Variants in ZNF654 observed in about 807,000 individuals in gnomAD.
ZNF654 encodes zinc finger protein 654.
ZNF654 carries 19 observed loss-of-function variants against 95.3 expected under a neutral mutation model. That is an observed-to-expected ratio of 0.20 (90% CI 0.14 to 0.29). ZNF654 has a LOEUF of 0.29. ZNF654 is among the 10% of genes least tolerant of loss of function. The pLI is 1.00. For synonymous variants in ZNF654, 413 were observed against 457.9 expected, an observed-to-expected ratio of 0.90 and a Z score of 1.25; for missense variants, 1,046 against 1,341.0, an observed-to-expected ratio of 0.78 and a Z score of 3.44.
At chr3:88,085,468 CGTGGAT>C (rs780840062) in intron 1 of ZNF654, among the ~76,000 whole-genome samples, 3 of 152,082 alleles carry the variant, frequency 2.0e-5, no homozygotes, top group Non-Finnish European at 4.4e-5. Context: ...ACTTTTACCT[CGTGGAT>C]GTACAAAAAC....
chr3:88,111,029 A>G (rs545708099), intron 2 of ZNF654, among the ~76,000 whole-genome samples: 1 of 152,166 alleles, frequency 6.6e-6, no homozygotes, highest in South Asian at 2.1e-4. Flanking sequence ...AGCAGTTTGT[A>G]AAGTTGGTAA....
chr3:88,133,280 T>C (rs1049083243), intron 6 of ZNF654, among the ~76,000 whole-genome samples: 6 of 152,176 alleles, frequency 3.9e-5, no homozygotes, highest in African/African-American at 1.4e-4. Context: ...GGTGTGCCAC[T>C]CCAATCACTG....
chr3:88,059,643 T>A, intron 1 of ZNF654, 138 bp downstream of exon 1: 24 of 843,432 alleles, frequency 2.8e-5, no homozygotes, highest in Non-Finnish European at 2.9e-5. Flanking sequence ...TGAAGCTCCC[T>A]CCTCCACTTA....
In ZNF654 at chr3:88,071,553, G is replaced by A. The variant is rs1707511376; in HGVS notation, c.186+12048G>A. On this transcript the variant is annotated intron_variant, in intron 1 of 8. Transcript: ENST00000636215. The stretch of plus-strand genomic sequence containing the variant: ...CCCAGCTACTTGGCAGGAGAATGGC[G>A]TGAACCTGGGAGGCGGAGCTTGCAG... Among the ~76,000 whole-genome samples the A allele has an allele frequency of 3.3e-5, 5 of 152,328 alleles. No individual in the cohort carries two copies. The South Asian group carries it at 8.3e-4, about 25-fold the overall frequency.
chr3:88,137,691 T>A (rs560610340), intron 7 of ZNF654, among the ~76,000 whole-genome samples: 7 of 152,154 alleles, frequency 4.6e-5, no homozygotes, highest in Non-Finnish European at 4.4e-5. Flanking sequence ...TTAGAACTGA[T>A]TCTCAAAGAA....
At chr3:88,098,184 C>G (rs192568467) in intron 2 of ZNF654, among the ~76,000 whole-genome samples, 1 of 152,260 alleles carries the variant, frequency 6.6e-6, no homozygotes. Flanking sequence ...AAACTGCCAT[C>G]AGAGAATACT....
At chr3:88,118,097 T>TA (rs1559721821) in intron 3 of ZNF654, among the ~76,000 whole-genome samples, 1 of 152,120 alleles carries the variant, frequency 6.6e-6, no homozygotes, top group Non-Finnish European at 1.5e-5. Context: ...CTAAAAGTCT[T>TA]ACTACCAAAG....
intron 2 of ZNF654, among the ~76,000 whole-genome samples, chr3:88,091,677 T>C (rs1708637641): frequency 3.3e-5 from 5 of 152,166 alleles, no homozygotes; most frequent in Admixed American, 2.6e-4. Context: ...TGGGAGGTAA[T>C]TGAATCATGG....
intron 1 of ZNF654, among the ~76,000 whole-genome samples, chr3:88,085,469 G>A (rs376631250): frequency 3.9e-5 from 6 of 151,948 alleles, no homozygotes; most frequent in African/African-American, 1.5e-4. Context: ...CTTTTACCTC[G>A]TGGATGTACA....
intron 1 of ZNF654, among the ~76,000 whole-genome samples, chr3:88,074,373 G>C (rs1459435113): frequency 6.2e-5 from 8 of 128,414 alleles, no homozygotes; most frequent in Non-Finnish European, 1.1e-4. Flanking sequence ...ACTGAGTCTT[G>C]CTTTATCGCC....
rs375273615 is a variant in ZNF654, at chr3:88,107,194, T to C, written c.333-5921T>C. On this transcript the variant is annotated intron_variant, in intron 2 of 8. Transcript: ENST00000636215. ...ATTGAGGTATACACTTTATATACTT[T>C]ATCTTCCTCCAGTAAAATGGCATTG... 2.0e-4 allele frequency among the ~76,000 whole-genome samples: 30 copies of C among 152,340 alleles called. No homozygotes were observed. The East Asian group carries it at 5.0e-3, about 25-fold the overall frequency.
chr3:88,105,139 A>C (rs1475229285), intron 2 of ZNF654, among the ~76,000 whole-genome samples: 2 of 152,232 alleles, frequency 1.3e-5, no homozygotes, highest in Non-Finnish European at 2.9e-5. Context: ...ACTCCATCTC[A>C]GAAAACAAAC....
chr3:88,116,166 C>G (rs1299881968), intron 3 of ZNF654, among the ~76,000 whole-genome samples: 1 of 152,074 alleles, frequency 6.6e-6, no homozygotes, highest in Non-Finnish European at 1.5e-5. Context: ...AGAAGTGCAT[C>G]AGGCATGCAG....
chr3:88,088,068 G>C (rs1246849846), intron 2 of ZNF654, among the ~76,000 whole-genome samples: 2 of 151,992 alleles, frequency 1.3e-5, no homozygotes, highest in South Asian at 4.2e-4. Context: ...TTCAGATAAG[G>C]GACACTCAAC....
intron 1 of ZNF654, among the ~76,000 whole-genome samples, chr3:88,083,252 T>TTAAGTTAAA (rs1708173707): frequency 6.6e-6 from 1 of 152,244 alleles, no homozygotes. Flanking sequence ...TTAGATGATA[T>TTAAGTTAAA]ATTTTAGTGT....
At chr3:88,068,001 A>G (rs1707298373) in intron 1 of ZNF654, among the ~76,000 whole-genome samples, 1 of 151,978 alleles carries the variant, frequency 6.6e-6, no homozygotes, top group African/African-American at 2.4e-5. Flanking sequence ...ATATTATAAG[A>G]CCCCTGAAGG....
intron 1 of ZNF654, among the ~76,000 whole-genome samples, chr3:88,072,996 A>AT (rs1707602648): frequency 1.3e-5 from 2 of 152,344 alleles, no homozygotes; most frequent in East Asian, 3.9e-4. Context: ...TGTAGGCATG[A>AT]AGAAAGGAAA....
At chr3:88,089,512 T>C (rs1708525786) in intron 2 of ZNF654, among the ~76,000 whole-genome samples, 1 of 151,956 alleles carries the variant, frequency 6.6e-6, no homozygotes, top group South Asian at 2.1e-4. Flanking sequence ...AATGTTTTAT[T>C]AGATAACTAA....
intron 2 of ZNF654, among the ~76,000 whole-genome samples, chr3:88,099,139 T>A (rs1704244565): frequency 6.6e-6 from 1 of 152,176 alleles, no homozygotes; most frequent in South Asian, 2.1e-4. Context: ...CAGCAAAGTC[T>A]CAGGATACAA....
Sources: allele counts gnomAD v4.1 joint callset (sites outside exome capture counted in the v4.1 genomes callset), GRCh38; gene constraint gnomAD v4.1.1; transcripts MANE v1.5; gene names NCBI Gene and HGNC (gene_info 2026-07-23, HGNC 2026-07-21).